The following HIVEP3 variants were observed in gnomAD, a reference collection of about 807,000 sequenced individuals.
HIVEP3 encodes the protein HIVEP zinc finger 3, also known as transcription factor HIVEP3.
Under a neutral mutation model 152.8 loss-of-function variants are expected in HIVEP3, and 49 were observed. The observed-to-expected ratio is 0.32, with a 90% confidence interval of 0.26 to 0.41. The LOEUF is 0.41. Ranked by LOEUF, HIVEP3 falls within the 10% of genes least tolerant of loss-of-function variation. The pLI, the probability that HIVEP3 is intolerant of heterozygous loss-of-function variation, is 1.00. For synonymous variants in HIVEP3, 1,269 were observed against 1,289.0 expected (o/e 0.98, Z 0.33); for missense variants, 2,790 against 3,103.3 (o/e 0.90, Z 2.40).
intron 5 of HIVEP3, among the ~76,000 whole-genome samples, chr1:41,545,032 C>T (rs1643699199): frequency 1.9e-5 from 2 of 105,188 alleles, no homozygotes; most frequent in African/African-American, 6.5e-5. Context: ...ACCACCACCA[C>T]CACCAATACC....
At chr1:41,833,196 G>T (rs1312121746) in intron 1 of HIVEP3, among the ~76,000 whole-genome samples, 1 of 152,228 alleles carries the variant, frequency 6.6e-6, no homozygotes, top group African/African-American at 2.4e-5. Context: ...GTTCAAAGGA[G>T]CAAATGCCTG....
chr1:41,708,982 G>T (rs1180106348), intron 1 of HIVEP3, among the ~76,000 whole-genome samples: 1 of 152,174 alleles, frequency 6.6e-6, no homozygotes, highest in Non-Finnish European at 1.5e-5. Context: ...TCCCATTTTA[G>T]AGTTAAGGGA....
chr1:41,847,492 T>A (rs548034902), intron 1 of HIVEP3: 2 of 152,388 alleles, frequency 1.3e-5, no homozygotes, highest in Non-Finnish European at 2.9e-5. Context: ...TCATCTTGTC[T>A]TTGGGGTAAG....
At chr1:41,719,567 C>T (rs1646647029) in intron 1 of HIVEP3, among the ~76,000 whole-genome samples, 1 of 152,228 alleles carries the variant, frequency 6.6e-6, no homozygotes, top group Admixed American at 6.5e-5. Context: ...TGTTCCTGAA[C>T]TAGTAGTCAG....
At chr1:41,646,786 C>G (rs946342334) in intron 2 of HIVEP3, among the ~76,000 whole-genome samples, 2 of 152,188 alleles carry the variant, frequency 1.3e-5, no homozygotes, top group Non-Finnish European at 2.9e-5. Flanking sequence ...CCAATTTAAG[C>G]CAAACTTAAT....
chr1:41,963,532 C>A (rs1394681080), intron 1 of HIVEP3, among the ~76,000 whole-genome samples: 2 of 132,936 alleles, frequency 1.5e-5, no homozygotes, highest in South Asian at 4.8e-4. Flanking sequence ...GTGGGGGGAG[C>A]GGCGAGGGGG....
chr1:41,547,189 C>T (rs368552258), intron 5 of HIVEP3, among the ~76,000 whole-genome samples: 23 of 152,150 alleles, frequency 1.5e-4, no homozygotes, highest in Admixed American at 5.2e-4. Flanking sequence ...CCCAGGCTTG[C>T]GGATTTAAAC....
At chr1:41,656,970 T>A (rs1342681216) in intron 2 of HIVEP3, among the ~76,000 whole-genome samples, 2 of 152,114 alleles carry the variant, frequency 1.3e-5, no homozygotes, top group Non-Finnish European at 2.9e-5. Context: ...ACCAGAATGA[T>A]CCCATTCTAG....
At chr1:41,634,501 T>C (rs893735438) in intron 2 of HIVEP3, among the ~76,000 whole-genome samples, 4 of 151,226 alleles carry the variant, frequency 2.6e-5, no homozygotes, top group Admixed American at 2.0e-4. Flanking sequence ...ACAAAAGACA[T>C]AAAATAAGAT....
Position 41,582,348 on chromosome 1 carries a change from C to A in HIVEP3, c.2450G>T (p.Gly817Val), listed in dbSNP as rs1644426409. Residue 817 changes from glycine to valine, a missense_variant, in exon 4 of 9, where the codon GGC (glycine) becomes GTC (valine). Around this residue, in one of 9 missense-constraint regions of HIVEP3, gnomAD observed 1,078 missense variants for 1,165.3 expected, o/e 0.93. Transcript: ENST00000372583. This position sits in a 1 kb window ranked among gnomAD's most constrained non-coding sequence, Gnocchi z 4.7. ...EKSDSLEQPSGLEGEDKPLAQ... is the reference protein window; with the variant it reads ...EKSDSLEQPSVLEGEDKPLAQ... ...CAGAGGTTTGTCTTCCCCTTCCAAG[C>A]CACTCGGCTGCTCGAGAGAATCAGA... 1 of 1,614,004 alleles carries A rather than the reference C, an allele frequency of 6.2e-7. No individual in the cohort carries two copies. The highest frequency in any genetic ancestry group is 1.1e-5 in the South Asian group (1 of 91,082).
At chr1:41,781,640 C>A (rs1649047907) in intron 1 of HIVEP3, among the ~76,000 whole-genome samples, 1 of 152,190 alleles carries the variant, frequency 6.6e-6, no homozygotes. Flanking sequence ...TCCTGAAAAC[C>A]CTACCATGGT....
intron 1 of HIVEP3, among the ~76,000 whole-genome samples, chr1:41,902,910 G>A (rs962230505): frequency 4.6e-5 from 7 of 152,114 alleles, no homozygotes; most frequent in Non-Finnish European, 1.0e-4. Flanking sequence ...ACAACTATAG[G>A]GTGTGAACGT....
intron 6 of HIVEP3, among the ~76,000 whole-genome samples, chr1:41,524,182 G>A (rs967790258): frequency 6.6e-6 from 1 of 152,198 alleles, no homozygotes; most frequent in Non-Finnish European, 1.5e-5. Flanking sequence ...GTCTGGGAGT[G>A]GGGGGCTGGC....
At chr1:42,035,656 G>A (rs1030462749) in intron 1 of HIVEP3, among the ~76,000 whole-genome samples, 2 of 151,936 alleles carry the variant, frequency 1.3e-5, no homozygotes, top group South Asian at 2.1e-4. Context: ...AGGCGTTGGG[G>A]GGATGGGGAG....
chr1:41,647,610 G>A (rs756889866), intron 2 of HIVEP3, among the ~76,000 whole-genome samples: 19 of 152,196 alleles, frequency 1.2e-4, no homozygotes, highest in Non-Finnish European at 1.8e-4. Flanking sequence ...GGCACGCTGA[G>A]GCCTTGGGGA....
rs368772313 is a variant in HIVEP3 at position 41,583,199 on chromosome 1, G to T, written c.1599C>A (p.Pro533=). Residue 533 remains proline, a synonymous_variant, in exon 4 of 9, where the codon CCC becomes CCA. Coordinates refer to ENST00000372583, the MANE Select transcript of HIVEP3 (RefSeq NM_024503.5). The surrounding 1 kb of genome is among the most constrained non-coding windows in gnomAD (Gnocchi z 6.9). The part of the protein sequence containing the change: ...LSLQHPPSTA[P]PVPLLRSHSM... ...AGTGGCTTCTCAGGAGAGGCACAGG[G>T]GGGGCGGTACTGGGCGGGTGCTGGA... is the stretch of plus-strand genomic sequence containing the variant. The T allele has an allele frequency of 1.9e-6, 3 of 1,611,374 alleles. No individual in the cohort carries two copies. The highest frequency in any genetic ancestry group is 2.5e-6 in the Non-Finnish European group (3 of 1,178,882).
At position 41,734,887 on chromosome 1, in the gene HIVEP3, T is replaced by A. The variant is rs191346903; in HGVS notation, c.-800-33892A>T. ...CTGTTGTCTGCAGCAGTGAAAATGA[T>A]GAAATGAGGAATTGGGTTTTGCAGT... On this transcript the variant is annotated intron_variant, in intron 1 of 8. Coordinates refer to ENST00000372583, the MANE Select transcript of HIVEP3 (RefSeq NM_024503.5). Among the ~76,000 whole-genome samples, 44 of 152,314 alleles carry A rather than the reference T, an allele frequency of 2.9e-4. No homozygotes were observed. The East Asian group carries it at 4.8e-3, about 17-fold the overall frequency.
chr1:41,885,658 G>A (rs1212541723), intron 1 of HIVEP3, among the ~76,000 whole-genome samples: 9 of 152,004 alleles, frequency 5.9e-5, no homozygotes, highest in South Asian at 2.1e-4. Flanking sequence ...GTGAGACTCC[G>A]TCAAAAAATA....
intron 1 of HIVEP3, among the ~76,000 whole-genome samples, chr1:41,885,676 A>ATCCT (rs1253771136): frequency 4.6e-5 from 7 of 151,320 alleles, no homozygotes; most frequent in African/African-American, 1.5e-4. Flanking sequence ...ATAAAATAAA[A>ATCCT]TCCTTCCTTC....
Sources: gnomAD v4.1 joint callset for allele counts (sites outside exome capture counted in the v4.1 genomes callset) on GRCh38, gnomAD v4.1.1 for gene constraint, gnomAD v4.1.1 regional missense constraint, Gnocchi (gnomAD v3.1) non-coding constraint, MANE v1.5 for transcripts, NCBI Gene and HGNC (gene_info 2026-07-23, HGNC 2026-07-21) for gene names.